The following RAD51B variants were observed in gnomAD, a reference collection of about 807,000 sequenced individuals.
RAD51B encodes DNA repair protein RAD51 homolog 2.
A neutral mutation model predicts 42.2 loss-of-function variants in RAD51B; 38 were observed. The ratio of observed to expected loss-of-function variants is 0.90; its 90% CI spans 0.70 to 1.18. RAD51B has a LOEUF of 1.18. Among genes scored for constraint, RAD51B ranks in the 50% most tolerant of loss-of-function variants. The pLI is 0.00. For missense variants in RAD51B, 373 were observed against 400.7 expected, an observed-to-expected ratio of 0.93 and a Z score of 0.59; for synonymous variants, 154 against 145.2, an observed-to-expected ratio of 1.06 and a Z score of -0.43.
chr14:68,141,497 T>C (rs1341872647), intron 7 of RAD51B, among the ~76,000 whole-genome samples: 1 of 152,226 alleles, frequency 6.6e-6, no homozygotes, highest in African/African-American at 2.4e-5. Context: ...TGATTGCATC[T>C]GCTACAGCAC....
At chr14:68,086,803 C>T (rs902006002) in intron 7 of RAD51B, among the ~76,000 whole-genome samples, 2 of 152,068 alleles carry the variant, frequency 1.3e-5, no homozygotes, top group African/African-American at 4.8e-5. Flanking sequence ...GGGAATAATA[C>T]TTCTGGGGTT....
At chr14:67,854,400 G>A (rs1029594543) in intron 4 of RAD51B, among the ~76,000 whole-genome samples, 2 of 151,896 alleles carry the variant, frequency 1.3e-5, no homozygotes, top group Non-Finnish European at 2.9e-5. Context: ...TTGGGAGGCC[G>A]AGATGGGCAG....
intron 7 of RAD51B, among the ~76,000 whole-genome samples, chr14:68,127,604 AACACACACACACACACACACACACAC>A (rs1158570155): frequency 6.0e-5 from 8 of 133,632 alleles, no homozygotes; most frequent in South Asian, 2.6e-4. Context: ...TGTACATTGT[AACACACACACACACACACACACACAC>A]ACACACACAC....
intron 7 of RAD51B, among the ~76,000 whole-genome samples, chr14:68,038,919 T>A (rs531333077): frequency 6.6e-6 from 1 of 152,352 alleles, no homozygotes; most frequent in East Asian, 1.9e-4. Flanking sequence ...CTCTTGTATC[T>A]GTATTGGAAA....
At chr14:68,201,030 C>G (rs925848081) in intron 7 of RAD51B, among the ~76,000 whole-genome samples, 1 of 152,096 alleles carries the variant, frequency 6.6e-6, no homozygotes, top group African/African-American at 2.4e-5. Flanking sequence ...AGATTTCCCT[C>G]CCAAAGTCGA....
At chr14:67,827,238 T>C (rs899989881) in intron 3 of RAD51B, among the ~76,000 whole-genome samples, 9 of 152,222 alleles carry the variant, frequency 5.9e-5, no homozygotes, top group African/African-American at 2.2e-4. Context: ...AAACCTTTAA[T>C]TTGTCATCTG....
At chr14:68,007,555 T>C (rs1211192896) in intron 7 of RAD51B, among the ~76,000 whole-genome samples, 1 of 152,142 alleles carries the variant, frequency 6.6e-6, no homozygotes, top group Non-Finnish European at 1.5e-5. Flanking sequence ...CCTGCTATTC[T>C]AACGAGTATG....
chr14:67,976,187 G>A lies in RAD51B; in HGVS notation c.756+88983G>A, dbSNP rs184438866. 2.4e-4 allele frequency among the ~76,000 whole-genome samples: 37 copies of A among 151,890 alleles called. No individual in the cohort carries two copies. In the East Asian group the frequency reaches 7.0e-3, roughly 29 times the overall value. On this transcript the variant is annotated intron_variant, in intron 7 of 10. Coordinates refer to ENST00000471583, the MANE Select transcript of RAD51B (RefSeq NM_133510.4). Reference sequence around the variant, plus strand: ...GCTGGAGTGCAGTGGCGTGATTATGGCTCACTGCAGCCTGGACCTCCTGGG... The same window carrying A: ...GCTGGAGTGCAGTGGCGTGATTATGACTCACTGCAGCCTGGACCTCCTGGG...
intron 7 of RAD51B, among the ~76,000 whole-genome samples, chr14:67,991,864 C>T (rs781200128): frequency 1.3e-5 from 2 of 151,780 alleles, no homozygotes; most frequent in Non-Finnish European, 2.9e-5. Flanking sequence ...ATAGGCTTAA[C>T]CAGCAAGATA....
At chr14:68,025,215 A>C (rs1390940030) in intron 7 of RAD51B, among the ~76,000 whole-genome samples, 1 of 151,910 alleles carries the variant, frequency 6.6e-6, no homozygotes, top group African/African-American at 2.4e-5. Flanking sequence ...TGGTGTATTA[A>C]ATTTTTGATA....
chr14:67,821,751 C>T (rs377141282), intron 1 of RAD51B, among the ~76,000 whole-genome samples: 1 of 152,040 alleles, frequency 6.6e-6, no homozygotes, highest in South Asian at 2.1e-4. Context: ...CGTGAGCTAC[C>T]TTGTGTGGCC....
At chr14:68,508,766 C>G (rs1193924383) in intron 10 of RAD51B, among the ~76,000 whole-genome samples, 1 of 152,230 alleles carries the variant, frequency 6.6e-6, no homozygotes, top group Non-Finnish European at 1.5e-5. Flanking sequence ...CCCCGCCTGT[C>G]CCCAGAATGA....
At chr14:67,820,560 C>T (rs907558951) in intron 1 of RAD51B, among the ~76,000 whole-genome samples, 5 of 151,986 alleles carry the variant, frequency 3.3e-5, no homozygotes, top group African/African-American at 1.2e-4. Context: ...AATTTACGTG[C>T]TCCGGTGGGG....
chr14:68,565,835 C>T lies in RAD51B; in HGVS notation c.1037-28650C>T, dbSNP rs1594979175. ...TTGGAGAATGGTGTCTCACTCCATC[C>T]AGTTCTCCCAGTGCAACTGGGGAGG... On this transcript the variant is annotated intron_variant, in intron 10 of 10. Coordinates refer to the RAD51B transcript ENST00000487270. The surrounding 1 kb of genome is among the most constrained non-coding windows in gnomAD (Gnocchi z 4.1). Among the ~76,000 whole-genome samples the T allele has an allele frequency of 6.6e-6, 1 of 152,314 alleles. No homozygotes were observed. Among genetic ancestry groups the T allele is most frequent in the African/African-American group, 2.4e-5 (1 of 41,566 alleles).
intron 7 of RAD51B, among the ~76,000 whole-genome samples, chr14:68,129,882 A>G (rs894925148): frequency 5.3e-5 from 8 of 152,228 alleles, no homozygotes; most frequent in Non-Finnish European, 1.0e-4. Flanking sequence ...GGGGAACAAC[A>G]TTTTGAGGAT....
In RAD51B at chr14:68,224,730, T is replaced by G. The variant is rs529840417; in HGVS notation, c.757-67154T>G. On this transcript the variant is annotated intron_variant, in intron 7 of 10. Coordinates refer to ENST00000471583, the MANE Select transcript of RAD51B (RefSeq NM_133510.4). ...TTTTTTGAGAAGGAGAGTCTCACTGTGTTGCCCAGGCTGGAGTACAGTGGC... is the reference window on the plus strand; with the variant it reads ...TTTTTTGAGAAGGAGAGTCTCACTGGGTTGCCCAGGCTGGAGTACAGTGGC... Among the ~76,000 whole-genome samples the G allele has an allele frequency of 2.0e-5, 3 of 152,230 alleles. No individual in the cohort carries two copies. The East Asian group carries it at 5.8e-4, about 29-fold the overall frequency.
intron 7 of RAD51B, among the ~76,000 whole-genome samples, chr14:68,153,895 T>G (rs1161135743): frequency 6.6e-6 from 1 of 152,350 alleles, no homozygotes; most frequent in Non-Finnish European, 1.5e-5. Flanking sequence ...GTGTATTCCC[T>G]AAGAGATTTG....
chr14:68,417,539 G>C (rs1223070016), intron 9 of RAD51B, among the ~76,000 whole-genome samples: 1 of 152,170 alleles, frequency 6.6e-6, no homozygotes, highest in African/African-American at 2.4e-5. Context: ...AACCCAGAAT[G>C]GTGGCATTAA....
chr14:68,462,813 G>C (rs1035190344), intron 9 of RAD51B, among the ~76,000 whole-genome samples: 47 of 152,320 alleles, frequency 3.1e-4, no homozygotes, highest in African/African-American at 1.1e-3. Context: ...GAAACAATTT[G>C]GCTATTTGTG....
Sources: allele counts gnomAD v4.1 joint callset (sites outside exome capture counted in the v4.1 genomes callset), GRCh38; gene constraint gnomAD v4.1.1; non-coding constraint Gnocchi (gnomAD v3.1); transcripts MANE v1.5; gene names NCBI Gene and HGNC (gene_info 2026-07-23, HGNC 2026-07-21).